The following AJM1 variants were observed in gnomAD, a reference collection of about 807,000 sequenced individuals.
The protein encoded by AJM1 is uncharacterized protein C9orf172.
A neutral mutation model predicts 43.0 loss-of-function variants in AJM1; 22 were observed. The observed-to-expected ratio is 0.51, with a 90% confidence interval of 0.37 to 0.73. The LOEUF (loss-of-function observed/expected upper bound fraction) is 0.73. AJM1 is among the 30% of genes least tolerant of loss of function. AJM1 has a pLI of 0.00. For missense variants in AJM1, 1,305 were observed against 1,343.3 expected, an observed-to-expected ratio of 0.97 and a Z score of 0.45; for synonymous variants, 719 against 638.3, an observed-to-expected ratio of 1.13 and a Z score of -1.91.
rs777526568 is a variant in AJM1 at position 136,847,199 on chromosome 9, G to C, written c.2785G>C (p.Glu929Gln). The change falls in exon 3 of 3, where the codon GAG (glutamate) becomes CAG (glutamine). Residue 929 changes from glutamate (E) to glutamine (Q), a missense_variant. Physicochemically the swap from Glu to Gln is conservative, Grantham distance 29 (BLOSUM62 2). Coordinates refer to ENST00000436881, the MANE Select transcript of AJM1 (RefSeq NM_001080482.5). ...CTACGAGCAGCTTTGCGAGTTCGTC[G>C]AGGCCAACAGGCGCTTCACGCCCAC... Reference protein sequence around the residue: ...RVYEQLCEFVEANRRFTPTTI... With the variant: ...RVYEQLCEFVQANRRFTPTTI... 9 of 1,605,640 alleles carry C rather than the reference G, an allele frequency of 5.6e-6. No homozygotes were observed. The Admixed American group carries it at 1.0e-4, about 18-fold the overall frequency.
In AJM1 at chr9:136,846,388, C is replaced by A; in HGVS notation, c.1974C>A (p.Asp658Glu). The A allele has an allele frequency of 6.5e-7, 1 of 1,528,726 alleles. No individual in the cohort carries two copies. Among genetic ancestry groups the A allele is most frequent in the Non-Finnish European group, 8.8e-7 (1 of 1,140,922 alleles). The allele number at this position is 1,528,726 out of a possible 1,614,324, so 94.7% of individuals were successfully genotyped here. Residue 658 changes from aspartate (D) to glutamate (E), a missense_variant, in exon 3 of 3, where the codon GAC becomes GAA. Asp to Glu is a conservative substitution (Grantham distance 45). Transcript: ENST00000436881. The stretch of plus-strand genomic sequence containing the variant: ...ACGCGTCCCCCGAACCCAGCGCCGA[C>A]GAGGACGACCTGATGACCTGCTCCA... ...AADASPEPSA[D>E]EDDLMTCSNA...
intron 1 of AJM1, among the ~76,000 whole-genome samples, chr9:136,843,962 G>A (rs1205841536): frequency 6.6e-6 from 1 of 152,168 alleles, no homozygotes; most frequent in African/African-American, 2.4e-5. Context: ...GGACACCAGA[G>A]GGCGCAGCCC....
chr9:136,845,397 C>T lies in AJM1; in HGVS notation c.983C>T (p.Ala328Val). 1.2e-6 allele frequency: 2 copies of T among 1,612,446 alleles called. No homozygotes were observed. The highest frequency in any genetic ancestry group is 1.7e-6 in the Non-Finnish European group (2 of 1,179,814). ...CCAAGGCGCATGGGCGGCTACTACGCAGGAGAGGTGCGCACCTTCCCAATC... is the reference window on the plus strand; with the variant it reads ...CCAAGGCGCATGGGCGGCTACTACGTAGGAGAGGTGCGCACCTTCCCAATC... ...PSPRRMGGYYAGEVRTFPIQE... is the reference protein window; with the variant it reads ...PSPRRMGGYYVGEVRTFPIQE... Residue 328 changes from alanine (A) to valine (V), a missense_variant, in exon 3 of 3, where the codon GCA (alanine) becomes GTA (valine). Coordinates refer to ENST00000436881, the MANE Select transcript of AJM1 (RefSeq NM_001080482.5).
Position 136,846,925 on chromosome 9 carries a change from A to C in AJM1, c.2511A>C (p.Pro837=). 7.0e-7 allele frequency: 1 copy of C among 1,436,720 alleles called. No homozygotes were observed. Among genetic ancestry groups the C allele is most frequent in the East Asian group, 2.8e-5 (1 of 35,266 alleles). 89.0% of individuals were successfully genotyped at this position (1,436,720 alleles called of 1,614,324 possible). A position where few individuals can be genotyped will look rare whatever the true frequency, so the allele number is the denominator to read the frequency against. ...CACCGGCCCTGCCCGCGCCCGCGCC[A>C]CGCAGCCACGGGCCAACAGTGCGCA... is the stretch of plus-strand genomic sequence containing the variant. ...PGTPALPAPA[P]RSHGPTVRKF... The change falls in exon 3 of 3, where the codon CCA becomes CCC. Residue 837 remains proline, a synonymous_variant. Transcript: ENST00000436881.
At position 136,844,619 on chromosome 9, in the gene AJM1, G is replaced by A. The variant is rs375666127; in HGVS notation, c.205G>A (p.Glu69Lys). 130 of 1,555,970 alleles carry A rather than the reference G, an allele frequency of 8.4e-5. No homozygotes were observed. The African/African-American group carries it at 1.4e-3, about 17-fold the overall frequency. Reference protein sequence around the residue: ...LDGPAMETLPEPPPPESAVPR... With the variant: ...LDGPAMETLPKPPPPESAVPR... The stretch of plus-strand genomic sequence containing the variant: ...CGGGCCGGCCATGGAGACCCTGCCG[G>A]AGCCACCGCCGCCGGAGTCCGCTGT... Residue 69 changes from glutamate (E) to lysine (K), a missense_variant, in exon 3 of 3, where the codon GAG becomes AAG. This residue lies in a region of AJM1 where 128 missense variants were observed against 120.6 expected (regional missense o/e 1.06). Transcript: ENST00000436881.
Position 136,845,337 on chromosome 9 carries a change from G to A in AJM1, c.923G>A (p.Arg308Lys). 3 of 1,612,380 alleles carry A rather than the reference G, an allele frequency of 1.9e-6. No homozygotes were observed. The highest frequency in any genetic ancestry group is 2.5e-6 in the Non-Finnish European group (3 of 1,179,824). ...CCAACCTTCGACGCCTACTACCCCA[G>A]GCCCTATCCGTCCGAGGAGCTCTCG... ...PGPTFDAYYPRPYPSEELSGP... is the reference protein window; with the variant it reads ...PGPTFDAYYPKPYPSEELSGP... The change falls in exon 3 of 3, where the codon AGG (arginine) becomes AAG (lysine). Residue 308 changes from arginine to lysine, a missense_variant. By Grantham distance (26) the Arg-to-Lys change is conservative. This residue lies in a region of AJM1 where 653 missense variants were observed against 549.1 expected (regional missense o/e 1.19). Coordinates refer to ENST00000436881, the MANE Select transcript of AJM1 (RefSeq NM_001080482.5).
rs774593186 is a variant in AJM1 at position 136,846,382 on chromosome 9, C to A, written c.1968C>A (p.Ser656Arg). Residue 656 changes from serine to arginine, a missense_variant, in exon 3 of 3, where the codon AGC (serine) becomes AGA (arginine). Physicochemically the swap from Ser to Arg is moderately radical, Grantham distance 110 (BLOSUM62 -1). Around this residue, in one of 6 missense-constraint regions of AJM1, gnomAD observed 391 missense variants for 507.5 expected, o/e 0.77. Coordinates refer to ENST00000436881, the MANE Select transcript of AJM1 (RefSeq NM_001080482.5). ...GEAADASPEP[S>R]ADEDDLMTCS... The stretch of plus-strand genomic sequence containing the variant: ...CGGCCGACGCGTCCCCCGAACCCAG[C>A]GCCGACGAGGACGACCTGATGACCT... 7 of 1,519,136 alleles carry A rather than the reference C, an allele frequency of 4.6e-6. No homozygotes were observed. In the South Asian group the frequency reaches 5.9e-5, roughly 13 times the overall value. The allele number at this position is 1,519,136 out of a possible 1,614,324, so 94.1% of individuals were successfully genotyped here. A position where few individuals can be genotyped will look rare whatever the true frequency, so the allele number is the denominator to read the frequency against.
chr9:136,842,802 G>C (rs1848720586), intron 1 of AJM1, among the ~76,000 whole-genome samples: 1 of 152,122 alleles, frequency 6.6e-6, no homozygotes, highest in African/African-American at 2.4e-5. Context: ...GAAGGCCTTG[G>C]GCCCGGGAGA....
Position 136,846,218 on chromosome 9 carries a change from G to C in AJM1, c.1804G>C (p.Ala602Pro), listed in dbSNP as rs1288354746. The change falls in exon 3 of 3, where the codon GCG (alanine) becomes CCG (proline). Residue 602 changes from alanine to proline, a missense_variant. Physicochemically the swap from Ala to Pro is conservative, Grantham distance 27 (BLOSUM62 -1). This residue lies in a region of AJM1 where 391 missense variants were observed against 507.5 expected (regional missense o/e 0.77). Coordinates refer to ENST00000436881, the MANE Select transcript of AJM1 (RefSeq NM_001080482.5). ...CACCGCCGGCCAGGCCTCAGAGCCC[G>C]CGGCCGACTGCCTGGGCCCCCAACT... is the stretch of plus-strand genomic sequence containing the variant. ...RPTAGQASEP[A>P]ADCLGPQLRR... 2 of 1,488,706 alleles carry C rather than the reference G, an allele frequency of 1.3e-6. No homozygotes were observed. The highest frequency in any genetic ancestry group is 1.8e-6 in the Non-Finnish European group (2 of 1,127,056). The allele number at this position is 1,488,706 out of a possible 1,614,324, so 92.2% of individuals were successfully genotyped here. A position where few individuals can be genotyped will look rare whatever the true frequency, so the allele number is the denominator to read the frequency against.
At position 136,845,650 on chromosome 9, in the gene AJM1, G is replaced by A; in HGVS notation, c.1236G>A (p.Leu412=). Residue 412 remains leucine, a synonymous_variant, in exon 3 of 3, where the codon CTG becomes CTA. Transcript: ENST00000436881. ...ADWGPRPYRT[L]QVVPPSDPDP... ...GGGGCCCGCGACCGTACCGCACCCT[G>A]CAAGTGGTGCCGCCCTCTGACCCCG... The A allele has an allele frequency of 6.3e-7, 1 of 1,577,808 alleles. No individual in the cohort carries two copies. The highest frequency in any genetic ancestry group is 8.6e-7 in the Non-Finnish European group (1 of 1,169,236).
Position 136,845,224 on chromosome 9 carries a change from G to A in AJM1, c.810G>A (p.Leu270=), listed in dbSNP as rs765917776. The A allele has an allele frequency of 4.4e-6, 7 of 1,594,862 alleles. No individual in the cohort carries two copies. Among genetic ancestry groups the A allele is most frequent in the Middle Eastern group, 2.2e-4 (1 of 4,506 alleles). ...GPRDYAERRS[L]PFTTPPGPTQ... Reference sequence around the variant, plus strand: ...GGGACTACGCCGAGCGCCGCAGTCTGCCCTTCACCACCCCGCCGGGCCCCA... The same window carrying A: ...GGGACTACGCCGAGCGCCGCAGTCTACCCTTCACCACCCCGCCGGGCCCCA... Residue 270 remains leucine, a synonymous_variant, in exon 3 of 3, where the codon CTG becomes CTA. Coordinates refer to ENST00000436881, the MANE Select transcript of AJM1 (RefSeq NM_001080482.5).
Position 136,844,849 on chromosome 9 carries a change from G to T in AJM1, c.435G>T (p.Glu145Asp). 1 of 238,960 alleles carries T rather than the reference G, an allele frequency of 4.2e-6. No homozygotes were observed. 14.8% of individuals were successfully genotyped at this position (238,960 alleles called of 1,614,324 possible). The change falls in exon 3 of 3, where the codon GAG becomes GAT. Residue 145 changes from glutamate (E) to aspartate (D), a missense_variant. Glu to Asp is a conservative substitution (Grantham distance 45). This residue lies in a region of AJM1 where 653 missense variants were observed against 549.1 expected (regional missense o/e 1.19). Coordinates refer to ENST00000436881, the MANE Select transcript of AJM1 (RefSeq NM_001080482.5). Reference sequence around the variant, plus strand: ...CGGCGCTCCGCGCCCTTGCCAACGAGCTGCATCCCATCAAGTTGCAGCCGC... The same window carrying T: ...CGGCGCTCCGCGCCCTTGCCAACGATCTGCATCCCATCAAGTTGCAGCCGC... ...AYPALRALAN[E>D]LHPIKLQPQR...
Position 136,844,772 on chromosome 9 carries a change from GC to G in AJM1, c.361del (p.Gln121SerfsTer374). Reference sequence around the variant, plus strand: ...GGTGTTGCCCCGCCGAGGGCGGGAGGCCCAGCGTGCGGCGCGGGCCGAGGCA... The same window carrying G: ...GGTGTTGCCCCGCCGAGGGCGGGAGGCCAGCGTGCGGCGCGGGCCGAGGCA... Reference protein sequence around the residue: ...PPVLPRRGREAQRAARAEASP... With the variant: ...PPVLPRRGREXQRAARAEASP... On this transcript the variant is annotated frameshift_variant, in exon 3 of 3. Transcript: ENST00000436881. LOFTEE classifies it low-confidence loss of function (END_TRUNC). The G allele has an allele frequency of 5.8e-6, 2 of 345,844 alleles. No homozygotes were observed. Among genetic ancestry groups the G allele is most frequent in the African/African-American group, 2.2e-5 (1 of 44,708 alleles). The allele number at this position is 345,844 out of a possible 1,614,324, so 21.4% of individuals were successfully genotyped here. A position where few individuals can be genotyped will look rare whatever the true frequency, so the allele number is the denominator to read the frequency against.
At position 136,846,015 on chromosome 9, in the gene AJM1, C is replaced by A; in HGVS notation, c.1601C>A (p.Thr534Asn). 1 of 1,549,424 alleles carries A rather than the reference C, an allele frequency of 6.5e-7. No homozygotes were observed. The highest frequency in any genetic ancestry group is 8.7e-7 in the Non-Finnish European group (1 of 1,148,406). ...AACTGGTACGTGACGCCCGAGATCA[C>A]CATCACTGACAATGACCTGCGCGCC... Reference protein sequence around the residue: ...GRNWYVTPEITITDNDLRATE... With the variant: ...GRNWYVTPEINITDNDLRATE... Residue 534 changes from threonine to asparagine, a missense_variant, in exon 3 of 3, where the codon ACC becomes AAC. Physicochemically the swap from Thr to Asn is moderately conservative, Grantham distance 65. Coordinates refer to ENST00000436881, the MANE Select transcript of AJM1 (RefSeq NM_001080482.5).
At position 136,847,889 on chromosome 9, in the gene AJM1, C is replaced by T. The variant is rs1848803526; in HGVS notation, c.*544C>T. The T allele has an allele frequency of 6.6e-6, 1 of 152,666 alleles. No homozygotes were observed. Among genetic ancestry groups the T allele is most frequent in the Non-Finnish European group, 1.5e-5 (1 of 68,346 alleles). The allele number at this position is 152,666 out of a possible 1,614,324, so 9.5% of individuals were successfully genotyped here. A position where few individuals can be genotyped will look rare whatever the true frequency, so the allele number is the denominator to read the frequency against. ...GTCTGTCACTTTAAACACGCCCCGC[C>T]CCGCCTCCCGCGGCTGTGTTGCCTC... is the stretch of plus-strand genomic sequence containing the variant. On this transcript the variant is annotated 3_prime_UTR_variant, in exon 3 of 3. Coordinates refer to ENST00000436881, the MANE Select transcript of AJM1 (RefSeq NM_001080482.5).
Position 136,842,498 on chromosome 9 carries a change from G to A in AJM1, c.-235G>A, listed in dbSNP as rs1241168091. Among the ~76,000 whole-genome samples, 1 of 152,094 alleles carries A rather than the reference G, an allele frequency of 6.6e-6. No individual in the cohort carries two copies. Among genetic ancestry groups the A allele is most frequent in the Non-Finnish European group, 1.5e-5 (1 of 68,030 alleles). ...TCCGCGCTGCTGCCTGGAAGCTTCT[G>A]CCCGTGCCGGGGACGCAGCAGTGCC... is the stretch of plus-strand genomic sequence containing the variant. On this transcript the variant is annotated 5_prime_UTR_variant, in exon 1 of 3. Transcript: ENST00000436881.
Position 136,846,459 on chromosome 9 carries a change from A to C in AJM1, c.2045A>C (p.Tyr682Ser). Reference protein sequence around the residue: ...RTETMFNACLYFKSCHSCYTY... With the variant: ...RTETMFNACLSFKSCHSCYTY... ...GAGACCATGTTCAACGCCTGCCTCT[A>C]CTTCAAGTCCTGCCACAGCTGCTAC... Residue 682 changes from tyrosine to serine, a missense_variant, in exon 3 of 3, where the codon TAC becomes TCC. Around this residue, in one of 6 missense-constraint regions of AJM1, gnomAD observed 391 missense variants for 507.5 expected, o/e 0.77. Coordinates refer to ENST00000436881, the MANE Select transcript of AJM1 (RefSeq NM_001080482.5). The C allele has an allele frequency of 6.3e-7, 1 of 1,588,140 alleles. No individual in the cohort carries two copies. The highest frequency in any genetic ancestry group is 8.5e-7 in the Non-Finnish European group (1 of 1,175,082).
At position 136,848,232 on chromosome 9, in the gene AJM1, G is replaced by A. The variant is rs117386271; in HGVS notation, c.*887G>A. Reference sequence around the variant, plus strand: ...CCTGGCTAGGAGAGGAAGGACCAAGGGACGGGGCGTTCCCAGGTGGGAGCC... The same window carrying A: ...CCTGGCTAGGAGAGGAAGGACCAAGAGACGGGGCGTTCCCAGGTGGGAGCC... On this transcript the variant is annotated 3_prime_UTR_variant, in exon 3 of 3. Coordinates refer to ENST00000436881, the MANE Select transcript of AJM1 (RefSeq NM_001080482.5). 2.6e-4 allele frequency: 40 copies of A among 152,800 alleles called. 1 individual carries two copies. The East Asian group carries it at 6.6e-3, about 25-fold the overall frequency. 9.5% of individuals were successfully genotyped at this position (152,800 alleles called of 1,614,324 possible).
rs757182652 is a variant in AJM1, at chr9:136,845,354, G to C, written c.940G>C (p.Glu314Gln). Residue 314 changes from glutamate (E) to glutamine (Q), a missense_variant, in exon 3 of 3, where the codon GAG (glutamate) becomes CAG (glutamine). Glu to Gln is a conservative substitution (Grantham distance 29). Around this residue, in one of 6 missense-constraint regions of AJM1, gnomAD observed 653 missense variants for 549.1 expected, o/e 1.19. Transcript: ENST00000436881. ...AYYPRPYPSE[E>Q]LSGPSPRRMG... ...CTACCCCAGGCCCTATCCGTCCGAGGAGCTCTCGGGGCCCAGTCCAAGGCG... is the reference window on the plus strand; with the variant it reads ...CTACCCCAGGCCCTATCCGTCCGAGCAGCTCTCGGGGCCCAGTCCAAGGCG... 5 of 1,612,422 alleles carry C rather than the reference G, an allele frequency of 3.1e-6. No individual in the cohort carries two copies. Among genetic ancestry groups the C allele is most frequent in the Non-Finnish European group, 4.2e-6 (5 of 1,179,838 alleles).
Sources: allele counts gnomAD v4.1 joint callset (sites outside exome capture counted in the v4.1 genomes callset), GRCh38; gene constraint gnomAD v4.1.1; regional missense constraint gnomAD v4.1.1; transcripts MANE v1.5; gene names NCBI Gene and HGNC (gene_info 2026-07-23, HGNC 2026-07-21).